The following IYD variants were observed in gnomAD, a reference collection of about 807,000 sequenced individuals.
The protein encoded by IYD is iodotyrosine deiodinase 1.
Under a neutral mutation model 28.4 loss-of-function variants are expected in IYD, and 25 were observed. That is an observed-to-expected ratio of 0.88 (90% CI 0.64 to 1.23). IYD has a LOEUF of 1.23. Among genes scored for constraint, IYD ranks in the 50% most tolerant of loss-of-function variants. IYD has a pLI of 0.00. For synonymous variants in IYD, 140 were observed against 130.8 expected (o/e 1.07, Z -0.48); for missense variants, 352 against 357.9 (o/e 0.98, Z 0.13).
chr6:150,395,052 G>A (rs1054659884), intron 4 of IYD, among the ~76,000 whole-genome samples: 12 of 152,120 alleles, frequency 7.9e-5, no homozygotes, highest in African/African-American at 2.9e-4. Flanking sequence ...CAACTCCTGA[G>A]CTCAAGTGAT....
At chr6:150,382,806 C>A (rs1362665694) in intron 1 of IYD, among the ~76,000 whole-genome samples, 1 of 152,016 alleles carries the variant, frequency 6.6e-6, no homozygotes, top group East Asian at 1.9e-4. Context: ...CTTTTTAGTT[C>A]TTTTTTCCAA....
chr6:150,370,294 AGTGT>A (rs60804552), intron 1 of IYD, among the ~76,000 whole-genome samples: 14 of 149,704 alleles, frequency 9.4e-5, no homozygotes, highest in African/African-American at 3.2e-4. Flanking sequence ...TGCATGTGTG[AGTGT>A]GTGTGCATGA....
At chr6:150,395,818 C>G (rs994795838) in intron 4 of IYD, 1 of 609,856 alleles carries the variant, frequency 1.6e-6, no homozygotes, top group Non-Finnish European at 2.9e-6. Flanking sequence ...GAGGGGCAGG[C>G]GGGGAAGTGT....
At chr6:150,394,984 T>C (rs1296786684) in intron 4 of IYD, among the ~76,000 whole-genome samples, 1 of 152,136 alleles carries the variant, frequency 6.6e-6, no homozygotes, top group Non-Finnish European at 1.5e-5. Context: ...GGCACCACCA[T>C]GCTAATTTTT....
Position 150,403,452 on chromosome 6 carries a change from T to A in IYD, c.*5215T>A, listed in dbSNP as rs1487880773. 2 of 152,204 alleles carry A rather than the reference T, an allele frequency of 1.3e-5. No homozygotes were observed. The highest frequency in any genetic ancestry group is 4.8e-5 in the African/African-American group (2 of 41,440). 9.4% of individuals were successfully genotyped at this position (152,204 alleles called of 1,614,324 possible). On this transcript the variant is annotated 3_prime_UTR_variant, in exon 5 of 5. Coordinates refer to ENST00000344419, the MANE Select transcript of IYD (RefSeq NM_203395.3). ...GCTGGACACTCAAAAAACGTTGCGT[T>A]TATCTACCTTTTAGAGAGGGTGAAT...
rs1428440653 is a variant in IYD at position 150,389,277 on chromosome 6, ATCT to A, written c.179-68_179-66del. On this transcript the variant is annotated intron_variant, in intron 1 of 4. Coordinates refer to ENST00000344419, the MANE Select transcript of IYD (RefSeq NM_203395.3). ...ATAACCTTACACATTTAAGCACTTT[ATCT>A]TCTTCTCCCCAGCGGTCACCTTATG... 67 of 1,100,324 alleles carry A rather than the reference ATCT, an allele frequency of 6.1e-5. 1 individual carries two copies. The African/African-American group carries it at 6.8e-4, about 11-fold the overall frequency. 68.2% of individuals were successfully genotyped at this position (1,100,324 alleles called of 1,614,324 possible). A position where few individuals can be genotyped will look rare whatever the true frequency, so the allele number is the denominator to read the frequency against.
chr6:150,376,911 T>C (rs1777463911), intron 1 of IYD, among the ~76,000 whole-genome samples: 1 of 152,140 alleles, frequency 6.6e-6, no homozygotes, highest in South Asian at 2.1e-4. Context: ...CATGAGCCAC[T>C]GGGCACATCC....
chr6:150,390,885 G>T (rs1012248749), intron 2 of IYD, among the ~76,000 whole-genome samples: 2 of 152,144 alleles, frequency 1.3e-5, no homozygotes, highest in African/African-American at 4.8e-5. Flanking sequence ...GAGAGTTCCC[G>T]AAGTCCCCCC....
At chr6:150,370,765 G>A in intron 1 of IYD, 1 of 615,544 alleles carries the variant, frequency 1.6e-6, no homozygotes, top group Non-Finnish European at 2.0e-6. Context: ...GAGCAACAGG[G>A]TTTGCTAGTA....
chr6:150,392,991 G>T (rs1344012246), intron 3 of IYD, among the ~76,000 whole-genome samples: 2 of 151,956 alleles, frequency 1.3e-5, no homozygotes, highest in African/African-American at 4.8e-5. Context: ...CAGCCCTCGG[G>T]GTCTGCTCCG....
At chr6:150,392,647 G>A (rs2115053996) in intron 3 of IYD, 143 bp downstream of exon 3, 14 of 838,748 alleles carry the variant, frequency 1.7e-5, no homozygotes, top group South Asian at 1.2e-4. Context: ...AGTTAAGTCC[G>A]GGCTCACTCC....
rs1295691456 is a variant in IYD at position 150,394,149 on chromosome 6, T to C, written c.581T>C (p.Ile194Thr). The C allele has an allele frequency of 1.9e-6, 3 of 1,614,092 alleles. No individual in the cohort carries two copies. The African/African-American group carries it at 4.0e-5, about 22-fold the overall frequency. Residue 194 changes from isoleucine to threonine, a missense_variant, in exon 4 of 5, where the codon ATT (isoleucine) becomes ACT (threonine). Physicochemically the swap from Ile to Thr is moderately conservative, Grantham distance 89 (BLOSUM62 -1). Transcript: ENST00000344419. ...GATACTGCCCCTATTTTGATTCTCA[T>C]TTTCAAACAAGTACATGGTTTCGCC... ...YLDTAPILILIFKQVHGFAAN... is the reference protein window; with the variant it reads ...YLDTAPILILTFKQVHGFAAN...
At chr6:150,385,653 GT>G (rs1370478318) in intron 1 of IYD, among the ~76,000 whole-genome samples, 2 of 151,766 alleles carry the variant, frequency 1.3e-5, no homozygotes, top group East Asian at 1.9e-4. Context: ...TGAGCCTGTA[GT>G]TTTTTGTTCT....
intron 4 of IYD, chr6:150,396,645 C>G (rs1274578475): frequency 4.6e-6 from 2 of 436,350 alleles, no homozygotes; most frequent in Non-Finnish European, 8.1e-6. Context: ...GAGGCCAAGG[C>G]GGGCGGATCA....
intron 1 of IYD, among the ~76,000 whole-genome samples, chr6:150,382,614 C>G (rs1029143752): frequency 6.6e-6 from 1 of 152,188 alleles, no homozygotes; most frequent in Non-Finnish European, 1.5e-5. Context: ...ACTGTATCCT[C>G]TGATGTCTTT....
At chr6:150,397,579 ACAAAAAAC>A (rs199594163) in intron 4 of IYD, among the ~76,000 whole-genome samples, 12,531 of 147,164 alleles carry the variant, frequency 0.085, 1,087 homozygotes, top group East Asian at 0.32. Flanking sequence ...CAAAAAAAAA[ACAAAAAAC>A]AAAACCGAAT....
chr6:150,379,380 A>G (rs1777564369), intron 1 of IYD, among the ~76,000 whole-genome samples: 1 of 152,140 alleles, frequency 6.6e-6, no homozygotes, highest in Non-Finnish European at 1.5e-5. Context: ...CGTTTTTCAC[A>G]TTGTCTGCTA....
Position 150,400,805 on chromosome 6 carries a change from G to C in IYD, c.*2568G>C, listed in dbSNP as rs965007440. On this transcript the variant is annotated 3_prime_UTR_variant, in exon 5 of 5. Coordinates refer to ENST00000344419, the MANE Select transcript of IYD (RefSeq NM_203395.3). ...AGATGCCCAGGTGATCTGCATGCCTGTTAAAGTCTGAGCTCTGTTGCAGAT... is the reference window on the plus strand; with the variant it reads ...AGATGCCCAGGTGATCTGCATGCCTCTTAAAGTCTGAGCTCTGTTGCAGAT... 6.6e-6 allele frequency: 1 copy of C among 152,218 alleles called. No individual in the cohort carries two copies. Among genetic ancestry groups the C allele is most frequent in the African/African-American group, 2.4e-5 (1 of 41,456 alleles). 9.4% of individuals were successfully genotyped at this position (152,218 alleles called of 1,614,324 possible). A position where few individuals can be genotyped will look rare whatever the true frequency, so the allele number is the denominator to read the frequency against.
chr6:150,386,520 A>G (rs137963658), intron 1 of IYD, among the ~76,000 whole-genome samples: 3 of 152,196 alleles, frequency 2.0e-5, no homozygotes, highest in Non-Finnish European at 2.9e-5. Flanking sequence ...GCAGTGTCCT[A>G]TGTAAGCCTA....
Sources: allele counts gnomAD v4.1 joint callset (sites outside exome capture counted in the v4.1 genomes callset), GRCh38; gene constraint gnomAD v4.1.1; transcripts MANE v1.5; gene names NCBI Gene and HGNC (gene_info 2026-07-23, HGNC 2026-07-21).